ELAPOR2: variants seen among roughly 807,000 people sequenced by gnomAD.
The protein encoded by ELAPOR2 is endosome/lysosome-associated apoptosis and autophagy regulator family member 2.
Under a neutral mutation model 120.7 loss-of-function variants are expected in ELAPOR2, and 89 were observed. The observed-to-expected ratio is 0.74, with a 90% CI of 0.62 to 0.88. The LOEUF is 0.88. Ranked by LOEUF, ELAPOR2 falls within the 40% of genes least tolerant of loss-of-function variation. The probability of loss-of-function intolerance (pLI) is 0.00; values close to 1 mark genes in which losing one functional copy is unlikely to be tolerated. For synonymous variants in ELAPOR2, 444 were observed against 444.9 expected (o/e 1.00, Z 0.03); for missense variants, 1,134 against 1,251.6 (o/e 0.91, Z 1.42).
intron 10 of ELAPOR2, among the ~76,000 whole-genome samples, chr7:86,924,560 A>C (rs369675532): frequency 1.3e-5 from 2 of 151,814 alleles, no homozygotes; most frequent in Non-Finnish European, 2.9e-5. Flanking sequence ...ATTATATCTT[A>C]TTCTTCTTCT....
chr7:86,970,728 GT>G (rs138307869), intron 1 of ELAPOR2, among the ~76,000 whole-genome samples: 3,115 of 152,212 alleles, frequency 0.02, 98 homozygotes, highest in African/African-American at 0.072. Context: ...TTATATTCAA[GT>G]TTTTCTTTTA....
Position 87,059,382 on chromosome 7 carries a change from C to T in ELAPOR2, c.132G>A (p.Ala44=). 8.0e-7 allele frequency: 1 copy of T among 1,244,954 alleles called. No homozygotes were observed. The highest frequency in any genetic ancestry group is 1.0e-6 in the Non-Finnish European group (1 of 988,034). The allele number at this position is 1,244,954 out of a possible 1,614,324, so 77.1% of individuals were successfully genotyped here. The part of the protein sequence containing the change: ...ICCWALAGCQ[A]AWAGDLPSSS... ...AGGAGGGCAGGTCCCCAGCCCAGGC[C>T]GCCTGGCAGCCGGCGAGCGCCCAGC... Residue 44 remains alanine, a synonymous_variant, in exon 1 of 22, where the codon GCG becomes GCA. Coordinates refer to ENST00000450689, the MANE Select transcript of ELAPOR2 (RefSeq NM_001142749.3).
At chr7:86,996,523 A>T (rs1233030048) in intron 1 of ELAPOR2, among the ~76,000 whole-genome samples, 1 of 152,248 alleles carries the variant, frequency 6.6e-6, no homozygotes, top group East Asian at 1.9e-4. Context: ...AGGCCAAAAC[A>T]TGTAAGGCCT....
At chr7:86,983,967 G>C (rs112582222) in intron 1 of ELAPOR2, among the ~76,000 whole-genome samples, 23,736 of 152,116 alleles carry the variant, frequency 0.16, 2,343 homozygotes, top group African/African-American at 0.28. Context: ...ACACACATAG[G>C]CTCAAAATAA....
At chr7:87,025,747 A>C (rs1794221642) in intron 1 of ELAPOR2, among the ~76,000 whole-genome samples, 1 of 152,174 alleles carries the variant, frequency 6.6e-6, no homozygotes, top group Non-Finnish European at 1.5e-5. Flanking sequence ...CTAACATTAA[A>C]TAATTTTACT....
At chr7:86,941,516 AC>A (rs910118422) in intron 5 of ELAPOR2, 1 of 393,522 alleles carries the variant, frequency 2.5e-6, no homozygotes, top group African/African-American at 2.1e-5. Flanking sequence ...GAGCTGTCCA[AC>A]AAATGGAGAC....
At chr7:86,907,396 A>T (rs903950736) in intron 18 of ELAPOR2, among the ~76,000 whole-genome samples, 1 of 152,096 alleles carries the variant, frequency 6.6e-6, no homozygotes, top group Non-Finnish European at 1.5e-5. Flanking sequence ...TACAAGCAAT[A>T]TAATTAATTT....
intron 4 of ELAPOR2, 113 bp downstream of exon 4, chr7:86,944,786 A>T: frequency 1.3e-6 from 1 of 791,628 alleles, no homozygotes; most frequent in Non-Finnish European, 1.9e-6. Context: ...CAGTTAACAC[A>T]CACACACAAA....
chr7:87,035,218 T>C (rs928846327), intron 1 of ELAPOR2, among the ~76,000 whole-genome samples: 4 of 152,114 alleles, frequency 2.6e-5, no homozygotes, highest in African/African-American at 9.7e-5. Context: ...AAATCCAGCA[T>C]AGTGAAATTG....
intron 1 of ELAPOR2, among the ~76,000 whole-genome samples, chr7:87,054,760 C>T (rs10270638): frequency 1.8e-3 from 277 of 152,304 alleles, no homozygotes; most frequent in African/African-American, 5.5e-3. Flanking sequence ...AGTTAACACT[C>T]AACCCATCTC....
At chr7:87,057,432 C>T (rs1419879704) in intron 1 of ELAPOR2, among the ~76,000 whole-genome samples, 1 of 152,222 alleles carries the variant, frequency 6.6e-6, no homozygotes, top group Non-Finnish European at 1.5e-5. Context: ...ACTTGTCAGT[C>T]ATCAGGAAGA....
chr7:87,057,149 T>C (rs900026025), intron 1 of ELAPOR2, among the ~76,000 whole-genome samples: 2 of 152,220 alleles, frequency 1.3e-5, no homozygotes, highest in Non-Finnish European at 2.9e-5. Flanking sequence ...CACAGGCGTT[T>C]AGCCCACAAT....
chr7:86,901,736 G>A (rs1430786620), intron 18 of ELAPOR2, among the ~76,000 whole-genome samples: 1 of 152,148 alleles, frequency 6.6e-6, no homozygotes, highest in Admixed American at 6.5e-5. Flanking sequence ...TTTCGCATGG[G>A]GCTTTTGAGT....
At chr7:86,965,120 A>G in intron 1 of ELAPOR2, 96 bp from the exon 2 acceptor site, 1 of 1,281,648 alleles carries the variant, frequency 7.8e-7, no homozygotes, top group Non-Finnish European at 1.1e-6. Flanking sequence ...TCCAAGCTGT[A>G]CCCTCTCCTT....
At chr7:86,914,176 A>G (rs1219536787) in intron 13 of ELAPOR2, among the ~76,000 whole-genome samples, 1 of 152,190 alleles carries the variant, frequency 6.6e-6, no homozygotes, top group Non-Finnish European at 1.5e-5. Context: ...CTACTATTGA[A>G]ACATATGGTA....
intron 8 of ELAPOR2, among the ~76,000 whole-genome samples, chr7:86,935,785 C>T (rs961807869): frequency 2.6e-5 from 4 of 151,942 alleles, no homozygotes; most frequent in Non-Finnish European, 5.9e-5. Context: ...CTGTAAATAA[C>T]CAGTGCTCAG....
Position 86,913,069 on chromosome 7 carries a change from G to A in ELAPOR2, c.1867C>T (p.Pro623Ser). ...QSGSSCVPCPPGHYIEKETNQ... is the reference protein window; with the variant it reads ...QSGSSCVPCPSGHYIEKETNQ... ...GTTTCTTTCTCAATGTAGTGGCCTG[G>A]AGGGCAGGGGACACACGATGAACCC... Residue 623 changes from proline (P) to serine (S), a missense_variant, in exon 14 of 22, where the codon CCA (proline) becomes TCA (serine). Physicochemically the swap from Pro to Ser is moderately conservative, Grantham distance 74 (BLOSUM62 -1). Around this residue, in one of 3 missense-constraint regions of ELAPOR2, gnomAD observed 831 missense variants for 867.6 expected, o/e 0.96. Coordinates refer to ENST00000450689, the MANE Select transcript of ELAPOR2 (RefSeq NM_001142749.3). 2 of 1,614,090 alleles carry A rather than the reference G, an allele frequency of 1.2e-6. No individual in the cohort carries two copies. Among genetic ancestry groups the A allele is most frequent in the Non-Finnish European group, 8.5e-7 (1 of 1,179,996 alleles).
intron 8 of ELAPOR2, among the ~76,000 whole-genome samples, chr7:86,931,749 T>C (rs1790338359): frequency 6.6e-6 from 1 of 151,898 alleles, no homozygotes; most frequent in Admixed American, 6.6e-5. Flanking sequence ...ATTAAGTATT[T>C]ATGATAAAGT....
intron 8 of ELAPOR2, among the ~76,000 whole-genome samples, chr7:86,933,210 T>C (rs1790408971): frequency 2.0e-5 from 3 of 151,930 alleles, no homozygotes; most frequent in African/African-American, 7.2e-5. Context: ...CTTCAATTAG[T>C]CATATATCCA....
Sources: allele counts gnomAD v4.1 joint callset (sites outside exome capture counted in the v4.1 genomes callset), GRCh38; gene constraint gnomAD v4.1.1; regional missense constraint gnomAD v4.1.1; transcripts MANE v1.5; gene names NCBI Gene and HGNC (gene_info 2026-07-23, HGNC 2026-07-21).